RARB: variants seen among roughly 807,000 people sequenced by gnomAD.
RARB encodes HBV-activated protein.
RARB carries 17 observed loss-of-function variants against 51.9 expected under a neutral mutation model. That is an observed-to-expected ratio of 0.33 (90% CI 0.22 to 0.49). RARB has a LOEUF of 0.49. RARB is among the 20% of genes least tolerant of loss of function. The probability of loss-of-function intolerance (pLI) is 0.99; values close to 1 mark genes in which losing one functional copy is unlikely to be tolerated. For synonymous variants in RARB, 215 were observed against 195.4 expected, an observed-to-expected ratio of 1.10 and a Z score of -0.84; for missense variants, 369 against 550.8, an observed-to-expected ratio of 0.67 and a Z score of 3.30.
chr3:25,543,473 A>G (rs1699473354), intron 3 of RARB, among the ~76,000 whole-genome samples: 1 of 152,140 alleles, frequency 6.6e-6, no homozygotes, highest in South Asian at 2.1e-4. Flanking sequence ...TGGCCCTTCC[A>G]TGAGTGCCTC....
intron 2 of RARB, among the ~76,000 whole-genome samples, chr3:24,882,245 T>G (rs1459575460): frequency 1.3e-5 from 2 of 152,110 alleles, no homozygotes; most frequent in Non-Finnish European, 2.9e-5. Flanking sequence ...CATAACTGAT[T>G]ACAGTCGGCC....
intron 5 of RARB, among the ~76,000 whole-genome samples, chr3:25,218,790 C>T (rs7618208): frequency 0.48 from 72,720 of 151,950 alleles, 18,510 homozygotes; most frequent in East Asian, 0.67. Context: ...AATAGGAAAT[C>T]GAGGCTCAGA....
At chr3:24,915,434 A>G (rs79164323) in intron 2 of RARB, among the ~76,000 whole-genome samples, 248 of 152,326 alleles carry the variant, frequency 1.6e-3, no homozygotes, top group African/African-American at 5.5e-3. Context: ...GTATATCTCA[A>G]TTCTGAGGAG....
intron 5 of RARB, among the ~76,000 whole-genome samples, chr3:25,240,362 A>G (rs996836897): frequency 7.9e-5 from 12 of 152,154 alleles, no homozygotes; most frequent in African/African-American, 2.7e-4. Flanking sequence ...TTCCAGTACT[A>G]TGTTGAATAG....
chr3:25,246,866 G>C (rs1702574124), intron 5 of RARB, among the ~76,000 whole-genome samples: 1 of 152,208 alleles, frequency 6.6e-6, no homozygotes, highest in Non-Finnish European at 1.5e-5. Flanking sequence ...GAGATCCACT[G>C]CTCTCTTTAC....
intron 4 of RARB, among the ~76,000 whole-genome samples, chr3:25,580,087 G>A (rs545952790): frequency 1.3e-5 from 2 of 152,346 alleles, no homozygotes; most frequent in Non-Finnish European, 2.9e-5. Flanking sequence ...TTAAAAGGAT[G>A]AATCCGACCG....
At chr3:24,932,827 C>T (rs750431592) in intron 2 of RARB, among the ~76,000 whole-genome samples, 5 of 152,110 alleles carry the variant, frequency 3.3e-5, no homozygotes, top group Non-Finnish European at 5.9e-5. Context: ...ACCACACTGA[C>T]TTACAGAATT....
chr3:25,339,186 C>T (rs1483835), intron 5 of RARB, among the ~76,000 whole-genome samples: 6,626 of 152,256 alleles, frequency 0.044, 175 homozygotes, highest in Middle Eastern at 0.062. Context: ...CTTGTCCTAC[C>T]GAAACAAACC....
intron 2 of RARB, among the ~76,000 whole-genome samples, chr3:25,491,886 A>G (rs1418930064): frequency 6.6e-6 from 1 of 152,006 alleles, no homozygotes; most frequent in Non-Finnish European, 1.5e-5. Flanking sequence ...GGTTGTAGTG[A>G]GCCAAGAATG....
At chr3:25,243,988 A>C (rs1049728544) in intron 5 of RARB, among the ~76,000 whole-genome samples, 4 of 152,070 alleles carry the variant, frequency 2.6e-5, no homozygotes, top group African/African-American at 9.7e-5. Flanking sequence ...CAATTTCAGA[A>C]CTTGTTATTA....
intron 5 of RARB, among the ~76,000 whole-genome samples, chr3:25,353,484 T>G (rs1262746195): frequency 6.6e-6 from 1 of 152,160 alleles, no homozygotes; most frequent in African/African-American, 2.4e-5. Flanking sequence ...TTTTTTCTTG[T>G]CTTATCTGAG....
At chr3:25,164,227 C>G (rs564760320) in intron 4 of RARB, among the ~76,000 whole-genome samples, 1 of 152,336 alleles carries the variant, frequency 6.6e-6, no homozygotes, top group East Asian at 1.9e-4. Context: ...GTCAAGTGAT[C>G]TCACCCGAGA....
chr3:25,303,337 G>T (rs1704083889), intron 5 of RARB, among the ~76,000 whole-genome samples: 2 of 152,178 alleles, frequency 1.3e-5, no homozygotes, highest in African/African-American at 4.8e-5. Flanking sequence ...GCTTTTAACA[G>T]TGAACTCCTG....
In RARB at chr3:24,951,556, G is replaced by A. The variant is rs77548233; in HGVS notation, c.-380+92804G>A. Among the ~76,000 whole-genome samples the A allele has an allele frequency of 8.7e-3, 1,324 of 152,274 alleles. 18 individuals carry two copies. Among genetic ancestry groups the A allele is most frequent in the African/African-American group, 0.03 (1,266 of 41,548 alleles). On this transcript the variant is annotated intron_variant, in intron 2 of 11. Transcript: ENST00000383772. The stretch of plus-strand genomic sequence containing the variant: ...TTCCTAGTGACAAAGTTTTGGGTCC[G>A]ATGACATATAAGATCAATAATGTCT...
intron 4 of RARB, among the ~76,000 whole-genome samples, chr3:25,151,506 C>T (rs532569656): frequency 5.9e-5 from 9 of 152,252 alleles, no homozygotes; most frequent in African/African-American, 9.6e-5. Context: ...CAGCTGCCTT[C>T]GTCTCTTTGA....
chr3:25,232,977 T>C (rs997895151), intron 5 of RARB, among the ~76,000 whole-genome samples: 5 of 146,302 alleles, frequency 3.4e-5, no homozygotes, highest in East Asian at 3.9e-4. Context: ...CTTTTTCTTT[T>C]TTTTTTTTTT....
intron 1 of RARB, among the ~76,000 whole-genome samples, chr3:25,457,359 T>TG (rs1255445413): frequency 6.6e-6 from 1 of 152,240 alleles, no homozygotes; most frequent in Non-Finnish European, 1.5e-5. Context: ...AACAAATGAT[T>TG]GAACACATGA....
intron 3 of RARB, among the ~76,000 whole-genome samples, chr3:25,516,167 C>T (rs990643190): frequency 6.6e-6 from 1 of 152,202 alleles, no homozygotes; most frequent in African/African-American, 2.4e-5. Context: ...CATCAACCCA[C>T]CTAACTAGCT....
intron 5 of RARB, among the ~76,000 whole-genome samples, chr3:25,316,479 T>C (rs1405819677): frequency 6.6e-6 from 1 of 152,172 alleles, no homozygotes; most frequent in African/African-American, 2.4e-5. Flanking sequence ...AAATTTTATT[T>C]AATTTGGAAA....
Sources: gnomAD v4.1 joint callset for allele counts (sites outside exome capture counted in the v4.1 genomes callset) on GRCh38, gnomAD v4.1.1 for gene constraint, MANE v1.5 for transcripts, NCBI Gene and HGNC (gene_info 2026-07-23, HGNC 2026-07-21) for gene names.